Variants in ZNF804B observed in about 807,000 individuals in gnomAD.
The protein encoded by ZNF804B is zinc finger 804B.
A neutral mutation model predicts 101.4 loss-of-function variants in ZNF804B; 80 were observed. The ratio of observed to expected loss-of-function variants is 0.79; its 90% CI spans 0.66 to 0.95. The LOEUF is 0.95. Ranked by LOEUF, ZNF804B falls within the 40% of genes least tolerant of loss-of-function variation. The pLI, the probability that ZNF804B is intolerant of heterozygous loss-of-function variation, is 0.00. For synonymous variants in ZNF804B, 622 were observed against 558.8 expected, an observed-to-expected ratio of 1.11 and a Z score of -1.59; for missense variants, 1,673 against 1,561.9, an observed-to-expected ratio of 1.07 and a Z score of -1.20.
At chr7:88,793,411 C>T (rs1441348776) in intron 1 of ZNF804B, among the ~76,000 whole-genome samples, 2 of 151,986 alleles carry the variant, frequency 1.3e-5, no homozygotes, top group African/African-American at 4.8e-5. Flanking sequence ...CAGTGCCTGG[C>T]AAATGTTTGT....
At chr7:88,869,668 C>G (rs1378460397) in intron 1 of ZNF804B, among the ~76,000 whole-genome samples, 2 of 152,150 alleles carry the variant, frequency 1.3e-5, no homozygotes, top group African/African-American at 4.8e-5. Flanking sequence ...AGGTTTCAGC[C>G]TCCTTTAAAT....
intron 1 of ZNF804B, among the ~76,000 whole-genome samples, chr7:88,886,316 G>C (rs945490548): frequency 1.3e-5 from 2 of 152,010 alleles, no homozygotes; most frequent in African/African-American, 4.8e-5. Flanking sequence ...ACAGTGGAGG[G>C]TGGGAGGAGA....
At chr7:89,073,534 T>G (rs1249952190) in intron 1 of ZNF804B, among the ~76,000 whole-genome samples, 3 of 152,202 alleles carry the variant, frequency 2.0e-5, no homozygotes, top group Non-Finnish European at 2.9e-5. Context: ...CTGTATCAGA[T>G]CATTCTTGAA....
chr7:88,954,072 A>G (rs1294128666), intron 1 of ZNF804B, among the ~76,000 whole-genome samples: 2 of 151,768 alleles, frequency 1.3e-5, no homozygotes, highest in Non-Finnish European at 2.9e-5. Context: ...CCATACTACC[A>G]TTTGAAAGTT....
intron 1 of ZNF804B, among the ~76,000 whole-genome samples, chr7:89,136,898 G>A (rs1790645864): frequency 6.6e-6 from 1 of 151,972 alleles, no homozygotes; most frequent in African/African-American, 2.4e-5. Flanking sequence ...TCTCATGATA[G>A]TGAGTAAGTC....
Position 89,327,598 on chromosome 7 carries a change from A to T in ZNF804B, c.380+124A>T, listed in dbSNP as rs17699363. 1.2e-4 allele frequency: 145 copies of T among 1,258,812 alleles called. No homozygotes were observed. The East Asian group carries it at 3.8e-3, about 33-fold the overall frequency. 78.0% of individuals were successfully genotyped at this position (1,258,812 alleles called of 1,614,324 possible). A position where few individuals can be genotyped will look rare whatever the true frequency, so the allele number is the denominator to read the frequency against. On this transcript the variant is annotated intron_variant, in intron 3 of 3. Transcript: ENST00000333190. ...TAACTAATAGATATGTCTGAAGGGC[A>T]AATATAGTTAAACATACATAAATTA...
chr7:89,133,824 G>A (rs1790589673), intron 1 of ZNF804B, among the ~76,000 whole-genome samples: 1 of 152,086 alleles, frequency 6.6e-6, no homozygotes, highest in South Asian at 2.1e-4. Flanking sequence ...TCATAATGGA[G>A]TGGTAATTTC....
At chr7:89,071,320 C>T (rs1234052779) in intron 1 of ZNF804B, among the ~76,000 whole-genome samples, 2 of 152,050 alleles carry the variant, frequency 1.3e-5, no homozygotes, top group African/African-American at 4.8e-5. Context: ...AATGCTTTGA[C>T]AAAAATGTTA....
chr7:88,824,838 A>G (rs971323385), intron 1 of ZNF804B, among the ~76,000 whole-genome samples: 2 of 152,210 alleles, frequency 1.3e-5, no homozygotes, highest in African/African-American at 4.8e-5. Context: ...AAATAATACG[A>G]TCAAAGACTT....
At chr7:88,763,092 A>G (rs1789923707) in intron 1 of ZNF804B, among the ~76,000 whole-genome samples, 1 of 152,154 alleles carries the variant, frequency 6.6e-6, no homozygotes, top group Non-Finnish European at 1.5e-5. Context: ...ATATCTGGAT[A>G]TTATGGATAA....
rs573013687 is a variant in ZNF804B, at chr7:89,134,109, A to G, written c.109-84046A>G. ...AAACAAAAAAAGAACACTGTCCCCAACAAAAACAAATAAGCAAACAAAAAA... is the reference window on the plus strand; with the variant it reads ...AAACAAAAAAAGAACACTGTCCCCAGCAAAAACAAATAAGCAAACAAAAAA... On this transcript the variant is annotated intron_variant, in intron 1 of 3. Coordinates refer to ENST00000333190, the MANE Select transcript of ZNF804B (RefSeq NM_181646.5). Among the ~76,000 whole-genome samples the G allele has an allele frequency of 1.3e-4, 20 of 152,086 alleles. 1 individual carries two copies. The highest frequency in any genetic ancestry group is 6.2e-4 in the South Asian group (3 of 4,832).
intron 1 of ZNF804B, among the ~76,000 whole-genome samples, chr7:89,148,524 T>A (rs949689452): frequency 5.3e-5 from 8 of 152,108 alleles, no homozygotes; most frequent in Non-Finnish European, 8.8e-5. Context: ...CAGAAAAATG[T>A]CACTTATACT....
intron 1 of ZNF804B, among the ~76,000 whole-genome samples, chr7:88,817,759 T>G (rs1221590475): frequency 1.3e-5 from 2 of 152,158 alleles, no homozygotes; most frequent in African/African-American, 2.4e-5. Flanking sequence ...TCCAGTAACA[T>G]TTTTAAAGAG....
intron 1 of ZNF804B, among the ~76,000 whole-genome samples, chr7:88,996,498 C>G (rs1168497463): frequency 6.6e-6 from 1 of 152,030 alleles, no homozygotes; most frequent in Non-Finnish European, 1.5e-5. Context: ...GGTTGTCTAT[C>G]TTTCTCAAGA....
At chr7:89,314,261 T>C (rs958281031) in intron 2 of ZNF804B, among the ~76,000 whole-genome samples, 3 of 152,162 alleles carry the variant, frequency 2.0e-5, no homozygotes, top group Non-Finnish European at 2.9e-5. Flanking sequence ...ATTTCTTACA[T>C]AAAATTGACC....
At chr7:88,926,093 G>T (rs1404982023) in intron 1 of ZNF804B, among the ~76,000 whole-genome samples, 1 of 152,116 alleles carries the variant, frequency 6.6e-6, no homozygotes. Flanking sequence ...GAAGGCAGCA[G>T]ATTGGAAATA....
intron 2 of ZNF804B, among the ~76,000 whole-genome samples, chr7:89,289,240 C>T (rs539391159): frequency 2.6e-5 from 4 of 152,122 alleles, no homozygotes; most frequent in African/African-American, 7.2e-5. Flanking sequence ...CTGCAGTTGT[C>T]GTTACGTTAA....
At chr7:89,115,895 G>A (rs1485999515) in intron 1 of ZNF804B, among the ~76,000 whole-genome samples, 3 of 111,994 alleles carry the variant, frequency 2.7e-5, no homozygotes, top group Middle Eastern at 4.5e-3. Flanking sequence ...AAGGTCAACA[G>A]GTTTTTTTGT....
At chr7:89,174,698 A>T (rs1791292763) in intron 1 of ZNF804B, among the ~76,000 whole-genome samples, 1 of 152,000 alleles carries the variant, frequency 6.6e-6, no homozygotes, top group Non-Finnish European at 1.5e-5. Context: ...AGCTGTACTA[A>T]TTTACATACC....
Sources: gnomAD v4.1 joint callset for allele counts (sites outside exome capture counted in the v4.1 genomes callset) on GRCh38, gnomAD v4.1.1 for gene constraint, MANE v1.5 for transcripts, NCBI Gene and HGNC (gene_info 2026-07-23, HGNC 2026-07-21) for gene names.